TEAD1: variants seen among roughly 807,000 people sequenced by gnomAD.
TEAD1 encodes the protein transcriptional enhancer factor TEF-1.
In TEAD1, 9 loss-of-function variants were observed where a neutral mutation model predicts 54.9. The observed-to-expected ratio is 0.16, with a 90% CI of 0.10 to 0.29. TEAD1 has a LOEUF of 0.29. Ranked by LOEUF, TEAD1 falls within the 10% of genes least tolerant of loss-of-function variation. TEAD1 has a pLI of 1.00. For missense variants in TEAD1, 387 were observed against 535.9 expected (o/e 0.72, Z 2.74); for synonymous variants, 200 against 187.8 (o/e 1.07, Z -0.53).
chr11:12,850,961 C>G, intron 3 of TEAD1: 1 of 620,550 alleles, frequency 1.6e-6, no homozygotes, highest in Non-Finnish European at 2.0e-6. Context: ...AATTGTGCCA[C>G]TTCTCACTGA....
At chr11:12,768,280 C>G (rs1468675583) in intron 3 of TEAD1, among the ~76,000 whole-genome samples, 1 of 152,274 alleles carries the variant, frequency 6.6e-6, no homozygotes, top group African/African-American at 2.4e-5. Context: ...TTAGATAGAT[C>G]TTACTGTGTA....
At chr11:12,865,133 G>A (rs1947591730) in intron 5 of TEAD1, 3 of 586,170 alleles carry the variant, frequency 5.1e-6, no homozygotes, top group Non-Finnish European at 9.3e-6. Context: ...GTGTATGTGT[G>A]TGTTCCTAAT....
At chr11:12,884,394 C>T (rs1322833851) in intron 9 of TEAD1, among the ~76,000 whole-genome samples, 1 of 152,206 alleles carries the variant, frequency 6.6e-6, no homozygotes, top group Non-Finnish European at 1.5e-5. Context: ...AAGTCCCATG[C>T]TGTCTGTGTG....
At chr11:12,788,926 G>A (rs1945740414) in intron 3 of TEAD1, among the ~76,000 whole-genome samples, 1 of 152,188 alleles carries the variant, frequency 6.6e-6, no homozygotes, top group Non-Finnish European at 1.5e-5. Flanking sequence ...TTTAAGAGAT[G>A]GGGTTTAGAG....
At chr11:12,740,065 C>T (rs1300578991) in intron 2 of TEAD1, among the ~76,000 whole-genome samples, 1 of 152,192 alleles carries the variant, frequency 6.6e-6, no homozygotes, top group Non-Finnish European at 1.5e-5. Flanking sequence ...AGAGGAACAG[C>T]ATAACAGTGG....
At chr11:12,870,393 C>T (rs774856884) in intron 5 of TEAD1, among the ~76,000 whole-genome samples, 1 of 151,638 alleles carries the variant, frequency 6.6e-6, no homozygotes, top group Non-Finnish European at 1.5e-5. Context: ...GACAGTGAAC[C>T]AGGAGCAGAG....
chr11:12,725,339 A>G (rs2133871170), intron 2 of TEAD1, among the ~76,000 whole-genome samples: 1 of 152,350 alleles, frequency 6.6e-6, no homozygotes, highest in African/African-American at 2.4e-5. Context: ...ATTAAGGACA[A>G]AATGAAACTT....
chr11:12,944,532 C>T lies in TEAD1; in HGVS notation c.*7310C>T, dbSNP rs1949190074. The T allele has an allele frequency of 6.6e-6, 1 of 151,852 alleles. No homozygotes were observed. Among genetic ancestry groups the T allele is most frequent in the Admixed American group, 6.6e-5 (1 of 15,228 alleles). The allele number at this position is 151,852 out of a possible 1,614,324, so 9.4% of individuals were successfully genotyped here. On this transcript the variant is annotated 3_prime_UTR_variant, in exon 13 of 13. Transcript: ENST00000527636. ...CTTTTGCGGTACATATGTGTGATAA[C>T]TTTAATACCCATGACAGTTAAGTGC...
intron 3 of TEAD1, among the ~76,000 whole-genome samples, chr11:12,777,500 A>T (rs578220911): frequency 4.6e-5 from 7 of 152,224 alleles, no homozygotes; most frequent in African/African-American, 1.7e-4. Flanking sequence ...CTTAGAAGAG[A>T]TTGTTGTTTA....
At chr11:12,749,233 G>A (rs1944814434) in intron 2 of TEAD1, among the ~76,000 whole-genome samples, 1 of 152,094 alleles carries the variant, frequency 6.6e-6, no homozygotes, top group Admixed American at 6.5e-5. Flanking sequence ...GAGGGAATCT[G>A]CACCTGGAAG....
chr11:12,806,830 A>G (rs907386749), intron 3 of TEAD1, among the ~76,000 whole-genome samples: 3 of 152,200 alleles, frequency 2.0e-5, no homozygotes, highest in Non-Finnish European at 4.4e-5. Context: ...ATTCTCTCAT[A>G]CTTGAAATCC....
chr11:12,905,896 A>C (rs1190769598), intron 10 of TEAD1, among the ~76,000 whole-genome samples: 1 of 152,182 alleles, frequency 6.6e-6, no homozygotes. Flanking sequence ...TTGCTATGGA[A>C]GAATACTATG....
chr11:12,810,739 G>A (rs1018154625), intron 3 of TEAD1, among the ~76,000 whole-genome samples: 1 of 152,206 alleles, frequency 6.6e-6, no homozygotes, highest in African/African-American at 2.4e-5. Flanking sequence ...TTGTGGGGGA[G>A]TTCCTTCTGT....
At chr11:12,809,290 C>A (rs1946242110) in intron 3 of TEAD1, among the ~76,000 whole-genome samples, 1 of 152,168 alleles carries the variant, frequency 6.6e-6, no homozygotes, top group African/African-American at 2.4e-5. Context: ...CTGGTGAATT[C>A]CTGACTATCA....
intron 3 of TEAD1, among the ~76,000 whole-genome samples, chr11:12,804,074 A>G (rs1399173403): frequency 1.3e-5 from 2 of 152,216 alleles, no homozygotes; most frequent in Non-Finnish European, 2.9e-5. Context: ...AAATAGTAGA[A>G]TTTAATTTTG....
At position 12,895,245 on chromosome 11, in the gene TEAD1, T is replaced by A. The variant is rs74699023; in HGVS notation, c.700-6695T>A. 1.0e-3 allele frequency among the ~76,000 whole-genome samples: 158 copies of A among 152,226 alleles called. 5 individuals are homozygous for A. The East Asian group carries it at 0.025, about 24-fold the overall frequency. ...AGCCCTTTGCAAGTGAATGGTTGAC[T>A]TTCGAGGGTTGCATTCACCTTTATT... On this transcript the variant is annotated intron_variant, in intron 9 of 12. Coordinates refer to ENST00000527636, the MANE Select transcript of TEAD1 (RefSeq NM_021961.6).
chr11:12,874,400 CCTGTCATGTATA>C (rs1947814436), intron 5 of TEAD1, among the ~76,000 whole-genome samples: 2 of 152,282 alleles, frequency 1.3e-5, no homozygotes, highest in Non-Finnish European at 2.9e-5. Flanking sequence ...TTGCTGTCCT[CCTGTCATGTATA>C]TTACATGTAG....
chr11:12,722,629 C>T (rs1944231522), intron 2 of TEAD1, among the ~76,000 whole-genome samples: 2 of 150,426 alleles, frequency 1.3e-5, no homozygotes, highest in South Asian at 4.2e-4. Context: ...GCATATATAC[C>T]CTGTGATTTC....
At chr11:12,784,434 T>C (rs908248010) in intron 3 of TEAD1, among the ~76,000 whole-genome samples, 1 of 152,118 alleles carries the variant, frequency 6.6e-6, no homozygotes, top group Non-Finnish European at 1.5e-5. Context: ...GTTGAGACCC[T>C]GGAAGTGGAT....
Sources: allele counts gnomAD v4.1 joint callset (sites outside exome capture counted in the v4.1 genomes callset), GRCh38; gene constraint gnomAD v4.1.1; transcripts MANE v1.5; gene names NCBI Gene and HGNC (gene_info 2026-07-23, HGNC 2026-07-21).